Variants in MCC observed in about 807,000 individuals in gnomAD.
The protein encoded by MCC is colorectal mutant cancer protein.
MCC carries 90 observed loss-of-function variants against 116.2 expected under a neutral mutation model. That is an observed-to-expected ratio of 0.77 (90% CI 0.65 to 0.92). The LOEUF is 0.92. MCC is among the 40% of genes least tolerant of loss of function. The pLI is 0.00. For missense variants in MCC, 1,516 were observed against 1,312.2 expected (o/e 1.16, Z -2.40); for synonymous variants, 578 against 510.5 (o/e 1.13, Z -1.78).
At chr5:113,348,257 T>C (rs995189861) in intron 2 of MCC, among the ~76,000 whole-genome samples, 2 of 152,110 alleles carry the variant, frequency 1.3e-5, no homozygotes, top group African/African-American at 4.8e-5. Context: ...GTCTGTAGGA[T>C]ACACATTCTT....
At chr5:113,035,845 C>G (rs186691628) in intron 17 of MCC, among the ~76,000 whole-genome samples, 30 of 152,250 alleles carry the variant, frequency 2.0e-4, no homozygotes, top group African/African-American at 6.7e-4. Context: ...TGTATCACAT[C>G]ATCCCGTTTC....
chr5:113,464,718 G>C (rs1036641067), intron 1 of MCC, among the ~76,000 whole-genome samples: 1 of 151,646 alleles, frequency 6.6e-6, no homozygotes, highest in Non-Finnish European at 1.5e-5. Context: ...TACATAGTAT[G>C]CACTCAATAA....
At chr5:113,389,914 C>A (rs557666741) in intron 1 of MCC, among the ~76,000 whole-genome samples, 29 of 152,224 alleles carry the variant, frequency 1.9e-4, no homozygotes, top group Non-Finnish European at 3.2e-4. Flanking sequence ...GTATGAAGGA[C>A]CAATGGCCTC....
intron 2 of MCC, among the ~76,000 whole-genome samples, chr5:113,370,210 G>T (rs1768803453): frequency 6.6e-6 from 1 of 152,144 alleles, no homozygotes; most frequent in Non-Finnish European, 1.5e-5. Flanking sequence ...AATCCCAACT[G>T]TTGCCTTCTA....
At chr5:113,444,620 G>T (rs1473501620) in intron 1 of MCC, among the ~76,000 whole-genome samples, 1 of 152,176 alleles carries the variant, frequency 6.6e-6, no homozygotes, top group Admixed American at 6.5e-5. Flanking sequence ...TCAGATCAAT[G>T]CTTAGTCTCA....
chr5:113,270,716 A>G (rs1473613272), intron 3 of MCC, among the ~76,000 whole-genome samples: 1 of 149,730 alleles, frequency 6.7e-6, no homozygotes, highest in Non-Finnish European at 1.5e-5. Context: ...GAAAGTTGAG[A>G]AACAAAAATT....
In MCC at chr5:113,340,555, G is replaced by T; in HGVS notation, c.591C>A (p.Asn197Lys). ...GCTCTAGATAGCTTCCTCCTACAGA[G>T]TTGCCAATGTGCGGGGACTGTGTGA... ...KLLTQSPHIG[N>K]SVGGSYLELA... The change falls in exon 3 of 19, where the codon AAC becomes AAA. Residue 197 changes from asparagine to lysine, a missense_variant. By Grantham distance (94) the Asn-to-Lys change is moderately conservative. Transcript: ENST00000408903. The T allele has an allele frequency of 6.2e-7, 1 of 1,614,182 alleles. No individual in the cohort carries two copies. The highest frequency in any genetic ancestry group is 1.3e-5 in the African/African-American group (1 of 75,054).
At chr5:113,063,190 T>C (rs1014067967) in intron 14 of MCC, among the ~76,000 whole-genome samples, 4 of 152,304 alleles carry the variant, frequency 2.6e-5, no homozygotes, top group African/African-American at 4.8e-5. Flanking sequence ...TAACAAAGTG[T>C]CTTCTAAACT....
chr5:113,070,124 G>A (rs1753935382), intron 12 of MCC, among the ~76,000 whole-genome samples: 1 of 152,146 alleles, frequency 6.6e-6, no homozygotes, highest in South Asian at 2.1e-4. Flanking sequence ...TGCTTGCTTT[G>A]CTGTCTGTAA....
intron 3 of MCC, among the ~76,000 whole-genome samples, chr5:113,187,980 C>T (rs80288084): frequency 6.6e-6 from 1 of 152,034 alleles, no homozygotes; most frequent in African/African-American, 2.4e-5. Flanking sequence ...GGTATGTGGC[C>T]CTGCTCAAGC....
chr5:113,176,866 T>C (rs1392987948), intron 3 of MCC, among the ~76,000 whole-genome samples: 1 of 152,120 alleles, frequency 6.6e-6, no homozygotes, highest in African/African-American at 2.4e-5. Flanking sequence ...ATCACCATTC[T>C]AGCTCAGGGT....
chr5:113,022,982 G>T lies in MCC; in HGVS notation c.*4320C>A, dbSNP rs1750254643. 4.6e-5 allele frequency: 7 copies of T among 152,180 alleles called. No individual in the cohort carries two copies. The highest frequency in any genetic ancestry group is 4.6e-4 in the Admixed American group (7 of 15,282). 9.4% of individuals were successfully genotyped at this position (152,180 alleles called of 1,614,324 possible). ...TGTATGGTGATCTGCATGTGAAACT[G>T]TCTTTCTCTACACAGGTATTAGCAA... On this transcript the variant is annotated 3_prime_UTR_variant, in exon 19 of 19. Coordinates refer to ENST00000408903, the MANE Select transcript of MCC (RefSeq NM_001085377.2).
intron 13 of MCC, among the ~76,000 whole-genome samples, chr5:113,064,511 G>A (rs74696509): frequency 0.016 from 2,450 of 152,294 alleles, 39 homozygotes; most frequent in Non-Finnish European, 0.024. Flanking sequence ...TCAGCCACAA[G>A]TCTACCATTT....
chr5:113,404,696 T>C (rs1769784422), intron 1 of MCC, among the ~76,000 whole-genome samples: 1 of 152,238 alleles, frequency 6.6e-6, no homozygotes, highest in Non-Finnish European at 1.5e-5. Context: ...AAATATCCAC[T>C]GATGGAGGCC....
At chr5:113,087,498 C>G (rs1755282265) in intron 8 of MCC, among the ~76,000 whole-genome samples, 1 of 152,124 alleles carries the variant, frequency 6.6e-6, no homozygotes, top group African/African-American at 2.4e-5. Flanking sequence ...AAAATGGGTA[C>G]AGGGGTGGAT....
intron 3 of MCC, among the ~76,000 whole-genome samples, chr5:113,171,657 G>A (rs1050818968): frequency 6.6e-6 from 1 of 152,112 alleles, no homozygotes; most frequent in African/African-American, 2.4e-5. Context: ...GCCTGGCCCT[G>A]GAAAGTGGAA....
At chr5:113,149,751 T>C (rs7707546) in intron 4 of MCC, among the ~76,000 whole-genome samples, 94,424 of 151,824 alleles carry the variant, frequency 0.62, 29,870 homozygotes, top group East Asian at 0.74. Flanking sequence ...ACTTACACAG[T>C]AAAGCCCAAA....
At chr5:113,248,360 G>C (rs968623940) in intron 3 of MCC, among the ~76,000 whole-genome samples, 2 of 152,052 alleles carry the variant, frequency 1.3e-5, no homozygotes, top group Non-Finnish European at 2.9e-5. Context: ...ACACTGGATG[G>C]GGTTATTAGA....
At chr5:113,167,257 C>G (rs548285955) in intron 3 of MCC, among the ~76,000 whole-genome samples, 3 of 152,294 alleles carry the variant, frequency 2.0e-5, no homozygotes, top group South Asian at 4.1e-4. Context: ...AACCTCAAAG[C>G]TAGCTTTTTG....
Sources: allele counts gnomAD v4.1 joint callset (sites outside exome capture counted in the v4.1 genomes callset), GRCh38; gene constraint gnomAD v4.1.1; transcripts MANE v1.5; gene names NCBI Gene and HGNC (gene_info 2026-07-23, HGNC 2026-07-21).